The following UGT1A10 variants were observed in gnomAD, a reference collection of about 807,000 sequenced individuals.
UGT1A10 encodes UDP-glucuronosyltransferase 1A10.
In UGT1A10, 49 loss-of-function variants were observed where a neutral mutation model predicts 45.8. That is an observed-to-expected ratio of 1.07 (90% CI 0.85 to 1.36). UGT1A10 has a LOEUF of 1.36. Among genes scored for constraint, UGT1A10 ranks in the 40% most tolerant of loss-of-function variants. The pLI is 0.00. For missense variants in UGT1A10, 745 were observed against 668.6 expected (o/e 1.11, Z -1.26); for synonymous variants, 284 against 249.7 (o/e 1.14, Z -1.29).
intron 1 of UGT1A10, chr2:233,721,605 A>G: frequency 5.6e-6 from 1 of 177,388 alleles, no homozygotes; most frequent in Non-Finnish European, 1.2e-5. Context: ...AGGTTTAGGA[A>G]CAATTTGTTC....
At chr2:233,710,205 G>C (rs766804626) in intron 1 of UGT1A10, among the ~76,000 whole-genome samples, 1 of 152,228 alleles carries the variant, frequency 6.6e-6, no homozygotes, top group Admixed American at 6.5e-5. Context: ...CCAGTTGTTG[G>C]CTATTATGAA....
chr2:233,638,662 A>G (rs1336628390), intron 1 of UGT1A10, among the ~76,000 whole-genome samples: 2 of 152,102 alleles, frequency 1.3e-5, no homozygotes, highest in African/African-American at 4.8e-5. Context: ...ATCTCATTAT[A>G]TTATTTTATT....
chr2:233,725,753 T>G (rs2077473127), intron 1 of UGT1A10, among the ~76,000 whole-genome samples: 1 of 152,188 alleles, frequency 6.6e-6, no homozygotes, highest in Non-Finnish European at 1.5e-5. Flanking sequence ...GTAAGAGACT[T>G]ACATTTTCTT....
intron 1 of UGT1A10, among the ~76,000 whole-genome samples, chr2:233,662,788 A>G (rs1429891379): frequency 1.4e-5 from 2 of 144,826 alleles, no homozygotes; most frequent in East Asian, 4.0e-4. Context: ...AGCTTTGGAA[A>G]CTTCTCTTCT....
chr2:233,637,917 G>T (rs2073343896), intron 1 of UGT1A10, among the ~76,000 whole-genome samples: 1 of 151,972 alleles, frequency 6.6e-6, no homozygotes, highest in South Asian at 2.1e-4. Context: ...TTTAATAATT[G>T]CATAAAATTC....
intron 2 of UGT1A10, 53 bp downstream of exon 2, chr2:233,767,218 C>A: frequency 6.2e-7 from 1 of 1,611,886 alleles, no homozygotes; most frequent in South Asian, 1.1e-5. Context: ...GAGCGCTAAT[C>A]CCAGACTTCC....
intron 1 of UGT1A10, among the ~76,000 whole-genome samples, chr2:233,722,376 A>C (rs969132963): frequency 2.1e-4 from 32 of 152,346 alleles, no homozygotes; most frequent in African/African-American, 7.5e-4. Context: ...TTGAAATCTT[A>C]CGTTTCTTCT....
chr2:233,682,021 G>C, intron 1 of UGT1A10: 2 of 1,614,150 alleles, frequency 1.2e-6, no homozygotes, highest in Non-Finnish European at 1.7e-6. Flanking sequence ...CAGGGAAGCT[G>C]CTGGTAGTGC....
At chr2:233,672,726 C>G in intron 1 of UGT1A10, 1 of 1,613,866 alleles carries the variant, frequency 6.2e-7, no homozygotes, top group Non-Finnish European at 8.5e-7. Context: ...ATCCCAAACC[C>G]GTGATGCCCA....
At chr2:233,637,458 G>A in intron 1 of UGT1A10, 81 bp downstream of exon 1, 2 of 1,505,448 alleles carry the variant, frequency 1.3e-6, no homozygotes, top group South Asian at 1.4e-5. Flanking sequence ...ACTGTGATTT[G>A]ACATTTTCGT....
intron 1 of UGT1A10, among the ~76,000 whole-genome samples, chr2:233,737,049 A>G (rs2078837950): frequency 1.3e-5 from 2 of 152,210 alleles, no homozygotes; most frequent in Admixed American, 6.5e-5. Context: ...ATGCCATACT[A>G]GGAGAACGAG....
At chr2:233,654,457 C>T (rs2073810370) in intron 1 of UGT1A10, among the ~76,000 whole-genome samples, 1 of 152,144 alleles carries the variant, frequency 6.6e-6, no homozygotes. Flanking sequence ...AGCAGAGCAT[C>T]ATAAAATTAA....
intron 1 of UGT1A10, among the ~76,000 whole-genome samples, chr2:233,703,210 TAA>T (rs1353895026): frequency 1.3e-5 from 2 of 152,198 alleles, no homozygotes; most frequent in African/African-American, 4.8e-5. Flanking sequence ...CAATTTTATC[TAA>T]GTTATCTAAT....
At chr2:233,705,781 CA>C (rs1559354356) in intron 1 of UGT1A10, among the ~76,000 whole-genome samples, 1 of 152,140 alleles carries the variant, frequency 6.6e-6, no homozygotes, top group Non-Finnish European at 1.5e-5. Context: ...TGTCTTAGTG[CA>C]AAATGCCCCT....
intron 1 of UGT1A10, chr2:233,747,117 G>A: frequency 1.4e-6 from 2 of 1,451,680 alleles, no homozygotes; most frequent in Admixed American, 2.0e-5. Context: ...ATGATGATTT[G>A]CTAAGTGGCT....
intron 1 of UGT1A10, among the ~76,000 whole-genome samples, chr2:233,685,926 G>C (rs745922812): frequency 3.9e-5 from 6 of 152,054 alleles, no homozygotes; most frequent in Non-Finnish European, 8.8e-5. Flanking sequence ...AATTTATCCT[G>C]ATTGTCTCAA....
At chr2:233,763,534 C>T (rs545430015) in intron 1 of UGT1A10, among the ~76,000 whole-genome samples, 5 of 152,184 alleles carry the variant, frequency 3.3e-5, no homozygotes, top group Admixed American at 1.3e-4. Context: ...CTCCTTTTTC[C>T]GGATTTCTAC....
chr2:233,768,083 C>A, intron 3 of UGT1A10, 137 bp from the exon 4 acceptor site: 1 of 1,591,312 alleles, frequency 6.3e-7, no homozygotes, highest in Non-Finnish European at 8.6e-7. Flanking sequence ...GGTATCTCAA[C>A]CCACATTTTC....
At chr2:233,655,477 G>A (rs2073834609) in intron 1 of UGT1A10, among the ~76,000 whole-genome samples, 1 of 152,312 alleles carries the variant, frequency 6.6e-6, no homozygotes, top group Middle Eastern at 3.4e-3. Flanking sequence ...GGAGGCTCAT[G>A]CTTCTCTTGT....
Sources: gnomAD v4.1 joint callset for allele counts (sites outside exome capture counted in the v4.1 genomes callset) on GRCh38, gnomAD v4.1.1 for gene constraint, MANE v1.5 for transcripts, NCBI Gene and HGNC (gene_info 2026-07-23, HGNC 2026-07-21) for gene names.